Variants in PDIA5 observed in about 807,000 individuals in gnomAD.
PDIA5 encodes the protein protein disulfide-isomerase A5.
A neutral mutation model predicts 77.6 loss-of-function variants in PDIA5; 58 were observed. The observed-to-expected ratio is 0.75, with a 90% CI of 0.61 to 0.93. The LOEUF (loss-of-function observed/expected upper bound fraction) is 0.93, where lower values mean the gene tolerates loss of function less well. PDIA5 is among the 40% of genes least tolerant of loss of function. PDIA5 has a pLI of 0.00. For missense variants in PDIA5, 630 were observed against 647.7 expected (o/e 0.97, Z 0.30); for synonymous variants, 250 against 252.1 (o/e 0.99, Z 0.08).
At chr3:123,134,977 C>T (rs1381211776) in intron 11 of PDIA5, among the ~76,000 whole-genome samples, 1 of 152,226 alleles carries the variant, frequency 6.6e-6, no homozygotes, top group Admixed American at 6.5e-5. Flanking sequence ...TGCCTGACCT[C>T]CCTCTGGTCC....
At chr3:123,068,640 C>G in intron 1 of PDIA5, among the ~76,000 whole-genome samples, 1 of 152,188 alleles carries the variant, frequency 6.6e-6, no homozygotes, top group Non-Finnish European at 1.5e-5. Flanking sequence ...TTTGTGAAAA[C>G]AAACGGCTTG....
At chr3:123,147,164 T>C (rs1327663291) in intron 13 of PDIA5, among the ~76,000 whole-genome samples, 1 of 152,034 alleles carries the variant, frequency 6.6e-6, no homozygotes, top group East Asian at 1.9e-4. Flanking sequence ...GTTGGCAGGG[T>C]TGGTTTCTTC....
chr3:123,147,588 G>T (rs1239794780), intron 13 of PDIA5, among the ~76,000 whole-genome samples: 1 of 152,174 alleles, frequency 6.6e-6, no homozygotes, highest in Non-Finnish European at 1.5e-5. Flanking sequence ...CTAGATTCAG[G>T]GGAGGCCTCT....
At chr3:123,117,399 T>TATATATATATA (rs60353329) in intron 8 of PDIA5, among the ~76,000 whole-genome samples, 26 of 135,390 alleles carry the variant, frequency 1.9e-4, no homozygotes, top group African/African-American at 3.1e-4. Flanking sequence ...TATATATATA[T>TATATATATATA]TCTGTTTTAG....
intron 15 of PDIA5, among the ~76,000 whole-genome samples, chr3:123,155,951 A>T (rs2667465): frequency 6.6e-6 from 1 of 151,628 alleles, no homozygotes; most frequent in Non-Finnish European, 1.5e-5. Flanking sequence ...CCTAGACGGA[A>T]GTTCAGCCGA....
intron 5 of PDIA5, among the ~76,000 whole-genome samples, chr3:123,103,269 A>T (rs114771025): frequency 6.6e-6 from 1 of 152,208 alleles, no homozygotes; most frequent in Admixed American, 6.5e-5. Context: ...TTAGAAGTAG[A>T]TGGAAAAGCA....
intron 7 of PDIA5, among the ~76,000 whole-genome samples, chr3:123,115,725 C>G (rs763509954): frequency 6.6e-6 from 1 of 152,224 alleles, no homozygotes; most frequent in Admixed American, 6.5e-5. Context: ...GCTTAATTAT[C>G]CTTGTTAATG....
intron 14 of PDIA5, among the ~76,000 whole-genome samples, chr3:123,152,074 T>A (rs1443303342): frequency 3.4e-5 from 4 of 118,804 alleles, no homozygotes; most frequent in African/African-American, 7.8e-5. Flanking sequence ...CCTGCCTTTC[T>A]TCCTGCCTTC....
In PDIA5 at chr3:123,146,219, G is replaced by C; in HGVS notation, c.1102G>C (p.Val368Leu). The change falls in exon 13 of 17, where the codon GTG becomes CTG. Residue 368 changes from valine (V) to leucine (L), a missense_variant. Val to Leu is a conservative substitution (Grantham distance 32). Transcript: ENST00000316218. ...FKNGEKYAVP[V>L]LRTKKKFLEW... ...GAATGGAGAGAAATACGCAGTGCCT[G>C]TGCTCAGGACAAAGAAGAAGTTTCT... The C allele has an allele frequency of 6.2e-7, 1 of 1,614,152 alleles. No individual in the cohort carries two copies. The highest frequency in any genetic ancestry group is 8.5e-7 in the Non-Finnish European group (1 of 1,179,972).
chr3:123,102,630 T>TAA, intron 4 of PDIA5, 121 bp from the exon 5 acceptor site: 1 of 1,045,852 alleles, frequency 9.6e-7, no homozygotes. Context: ...ATTATTTCTT[T>TAA]TAAAAAAAAA....
Position 123,161,915 on chromosome 3 carries a change from G to T in PDIA5, c.1515G>T (p.Arg505=), listed in dbSNP as rs767826835. The T allele has an allele frequency of 1.9e-6, 3 of 1,606,742 alleles. No homozygotes were observed. Among genetic ancestry groups the T allele is most frequent in the Non-Finnish European group, 2.6e-6 (3 of 1,173,600 alleles). The change falls in exon 17 of 17, where the codon CGG becomes CGT. Residue 505 remains arginine, a synonymous_variant. Coordinates refer to ENST00000316218, the MANE Select transcript of PDIA5 (RefSeq NM_006810.4). ...LGFTNYIRAL[R]EGDHERLGKK... is the part of the protein sequence containing the mutation. ...TTACCAATTATATTCGAGCCCTCCG[G>T]GAGGGAGACCATGAAAGACTAGGGA...
intron 5 of PDIA5, among the ~76,000 whole-genome samples, chr3:123,104,019 G>A (rs1039321208): frequency 6.6e-5 from 10 of 152,130 alleles, no homozygotes; most frequent in East Asian, 1.9e-4. Flanking sequence ...AGTTCTGAGC[G>A]GCTCCTCATA....
intron 3 of PDIA5, among the ~76,000 whole-genome samples, chr3:123,098,916 G>C (rs1247531025): frequency 6.6e-6 from 1 of 152,222 alleles, no homozygotes; most frequent in Non-Finnish European, 1.5e-5. Flanking sequence ...GAGGGAGGTA[G>C]GCAGTAGATC....
At chr3:123,079,580 G>A (rs985978720) in intron 1 of PDIA5, among the ~76,000 whole-genome samples, 5 of 152,164 alleles carry the variant, frequency 3.3e-5, no homozygotes, top group African/African-American at 1.2e-4. Context: ...TTCTGTTGTT[G>A]TTGGACATTT....
chr3:123,110,985 G>A lies in PDIA5; in HGVS notation c.522G>A (p.Leu174=). 3.1e-6 allele frequency: 5 copies of A among 1,613,412 alleles called. No individual in the cohort carries two copies. The highest frequency in any genetic ancestry group is 4.2e-6 in the Non-Finnish European group (5 of 1,179,642). ...TGAAGAAGGAAGAGAAGCCGCTCCT[G>A]ATCATGTTTTATGCCCCCTGTGAGT... ...RLLKKEEKPL[L]IMFYAPWCSM... is the part of the protein sequence containing the mutation. The change falls in exon 7 of 17, where the codon CTG becomes CTA. Residue 174 remains leucine (L), a synonymous_variant. Transcript: ENST00000316218.
chr3:123,070,810 C>G (rs965227328), intron 1 of PDIA5, among the ~76,000 whole-genome samples: 1 of 152,084 alleles, frequency 6.6e-6, no homozygotes, highest in African/African-American at 2.4e-5. Context: ...GATGGAGAAA[C>G]GTCGAGCTGG....
At chr3:123,086,129 GATTAT>G (rs1322629388) in intron 1 of PDIA5, among the ~76,000 whole-genome samples, 1 of 152,152 alleles carries the variant, frequency 6.6e-6, no homozygotes, top group Non-Finnish European at 1.5e-5. Context: ...TCCAATGGCA[GATTAT>G]ATTTAGAAAC....
chr3:123,136,749 A>AGG (rs1236609033), intron 11 of PDIA5, among the ~76,000 whole-genome samples: 14 of 127,104 alleles, frequency 1.1e-4, no homozygotes, highest in African/African-American at 4.2e-4. Flanking sequence ...AAAAAAAAAA[A>AGG]GGGGGTTGGG....
rs185732312 is a variant in PDIA5, at chr3:123,146,516, G to A, written c.1142+257G>A. ...CGTGTGTTGCTTTTTCTCTGTCTCA[G>A]CCTCCTTAGGCCCAGATCTTATTGT... On this transcript the variant is annotated intron_variant, in intron 13 of 16. Coordinates refer to ENST00000316218, the MANE Select transcript of PDIA5 (RefSeq NM_006810.4). 3.2e-3 allele frequency among the ~76,000 whole-genome samples: 484 copies of A among 152,316 alleles called. 4 individuals are homozygous for A. Among genetic ancestry groups the A allele is most frequent in the African/African-American group, 0.011 (460 of 41,572 alleles).
Sources: allele counts gnomAD v4.1 joint callset (sites outside exome capture counted in the v4.1 genomes callset), GRCh38; gene constraint gnomAD v4.1.1; transcripts MANE v1.5; gene names NCBI Gene and HGNC (gene_info 2026-07-23, HGNC 2026-07-21).